Variants in ATP1B1 observed in about 807,000 individuals in gnomAD.
The protein encoded by ATP1B1 is ATPase Na+/K+ transporting subunit beta 1.
In ATP1B1, 3 loss-of-function variants were observed where a neutral mutation model predicts 39.6. The ratio of observed to expected loss-of-function variants is 0.08; its 90% confidence interval spans 0.03 to 0.20. ATP1B1 has a LOEUF of 0.20. Among genes scored for constraint, ATP1B1 ranks in the 10% least tolerant of loss-of-function variants. The pLI, the probability that ATP1B1 is intolerant of heterozygous loss-of-function variation, is 1.00. For missense variants in ATP1B1, 216 were observed against 371.1 expected (o/e 0.58, Z 3.43); for synonymous variants, 139 against 135.0 (o/e 1.03, Z -0.20).
At chr1:169,113,143 G>A (rs1571220225) in intron 2 of ATP1B1, among the ~76,000 whole-genome samples, 2 of 151,542 alleles carry the variant, frequency 1.3e-5, no homozygotes, top group African/African-American at 4.9e-5. Context: ...TCAGCTCACT[G>A]CAGTCTCCGC....
intron 2 of ATP1B1, among the ~76,000 whole-genome samples, chr1:169,114,883 A>G (rs1045680025): frequency 6.6e-6 from 1 of 151,922 alleles, no homozygotes; most frequent in Non-Finnish European, 1.5e-5. Flanking sequence ...AATTTTTTTA[A>G]GTCTCCTGTT....
chr1:169,118,883 A>G (rs1657913406), intron 2 of ATP1B1, among the ~76,000 whole-genome samples: 1 of 152,134 alleles, frequency 6.6e-6, no homozygotes, highest in Non-Finnish European at 1.5e-5. Flanking sequence ...TAGAGATTTG[A>G]TCTAGTGATT....
chr1:169,121,002 C>T lies in ATP1B1; in HGVS notation c.227-3882C>T, dbSNP rs575987731. 4.1e-4 allele frequency among the ~76,000 whole-genome samples: 59 copies of T among 143,238 alleles called. No homozygotes were observed. The Middle Eastern group carries it at 0.016, about 40-fold the overall frequency. The allele number at this position is 143,238 out of a possible 152,430, so 94.0% of individuals were successfully genotyped here. ...TCGCTCTGTTGCCCAGGCTGGAGTG[C>T]AGTGGTGCTGTCTCAGCTCACTGCA... On this transcript the variant is annotated intron_variant, in intron 2 of 5. Coordinates refer to ENST00000367815, the MANE Select transcript of ATP1B1 (RefSeq NM_001677.4).
rs1557945516 is a variant in ATP1B1 at position 169,106,938 on chromosome 1, GT to G, written c.97+13del. The G allele has an allele frequency of 6.4e-7, 1 of 1,570,810 alleles. No homozygotes were observed. Among genetic ancestry groups the G allele is most frequent in the Non-Finnish European group, 8.6e-7 (1 of 1,160,730 alleles). ...CGGTGGCAGTTGGTGTAAGTACGGG[GT>G]CCGCAGCTCCCGGCCGCCGCGTCTG... On this transcript the variant is annotated intron_variant, in intron 1 of 5. Coordinates refer to ENST00000367815, the MANE Select transcript of ATP1B1 (RefSeq NM_001677.4).
Position 169,132,339 on chromosome 1 carries a change from G to A in ATP1B1, c.*784G>A. On this transcript the variant is annotated 3_prime_UTR_variant, in exon 6 of 6. Transcript: ENST00000367815. ...TGCCCATCACTTTGGCTAGTGACAG[G>A]GCTAATTAATTTGCTTTATACATTT... The A allele has an allele frequency of 2.1e-6, 1 of 474,826 alleles. No individual in the cohort carries two copies. Among genetic ancestry groups the A allele is most frequent in the Non-Finnish European group, 3.8e-6 (1 of 263,304 alleles). 29.4% of individuals were successfully genotyped at this position (474,826 alleles called of 1,614,324 possible).
chr1:169,108,571 C>T (rs1428062559), intron 1 of ATP1B1, among the ~76,000 whole-genome samples: 1 of 152,082 alleles, frequency 6.6e-6, no homozygotes, highest in Non-Finnish European at 1.5e-5. Flanking sequence ...TGTCTTTTTC[C>T]CCTTAGTATA....
chr1:169,114,623 G>T (rs1050670467), intron 2 of ATP1B1, among the ~76,000 whole-genome samples: 1 of 152,200 alleles, frequency 6.6e-6, no homozygotes, highest in Non-Finnish European at 1.5e-5. Flanking sequence ...TCTGAGAGGA[G>T]AGACTAAACT....
intron 4 of ATP1B1, 102 bp from the exon 5 acceptor site, chr1:169,129,908 C>T: frequency 9.3e-7 from 1 of 1,074,202 alleles, no homozygotes; most frequent in Non-Finnish European, 1.3e-6. Flanking sequence ...GGTTGACTTA[C>T]TGTGACCAGT....
At chr1:169,126,666 A>ATGC (rs1353429347) in intron 3 of ATP1B1, among the ~76,000 whole-genome samples, 1 of 152,166 alleles carries the variant, frequency 6.6e-6, no homozygotes, top group African/African-American at 2.4e-5. Context: ...GGCCATGATC[A>ATGC]TGCTGCCGCA....
In ATP1B1 at chr1:169,131,239, C is replaced by T; in HGVS notation, c.649-53C>T. On this transcript the variant is annotated intron_variant, in intron 5 of 5. Transcript: ENST00000367815. This position sits in a 1 kb window ranked among gnomAD's most constrained non-coding sequence, Gnocchi z 4.4. The stretch of plus-strand genomic sequence containing the variant: ...AGATTGAGTCTTGTTTTTGAGTACA[C>T]ATAGTGATGCATGATGTGAGCCATT... 2 of 1,544,226 alleles carry T rather than the reference C, an allele frequency of 1.3e-6. No individual in the cohort carries two copies. Among genetic ancestry groups the T allele is most frequent in the Non-Finnish European group, 1.8e-6 (2 of 1,142,274 alleles).
chr1:169,125,333 AT>A (rs1433482131), intron 3 of ATP1B1, among the ~76,000 whole-genome samples: 1 of 115,246 alleles, frequency 8.7e-6, no homozygotes, highest in Non-Finnish European at 1.7e-5. Flanking sequence ...TTTCTCTTAC[AT>A]CCGTTGAAAA....
At position 169,124,841 on chromosome 1, in the gene ATP1B1, G is replaced by A. The variant is rs981326343; in HGVS notation, c.227-43G>A. ...GAAAGTCTACTTTTGAATTGTCTTCGTTTCTGCCTTCCTACTAATGTTTTT... is the reference window on the plus strand; with the variant it reads ...GAAAGTCTACTTTTGAATTGTCTTCATTTCTGCCTTCCTACTAATGTTTTT... On this transcript the variant is annotated intron_variant, in intron 2 of 5. Coordinates refer to ENST00000367815, the MANE Select transcript of ATP1B1 (RefSeq NM_001677.4). 16 of 1,591,362 alleles carry A rather than the reference G, an allele frequency of 1.0e-5. No individual in the cohort carries two copies. In the African/African-American group the frequency reaches 1.1e-4, roughly 11 times the overall value.
chr1:169,110,619 G>A, intron 1 of ATP1B1: 1 of 880,158 alleles, frequency 1.1e-6, no homozygotes, highest in South Asian at 2.2e-5. Flanking sequence ...CCATCCTGTT[G>A]TCTTGTTAAC....
intron 4 of ATP1B1, among the ~76,000 whole-genome samples, chr1:169,127,765 A>AG (rs750110397): frequency 4.0e-4 from 60 of 150,994 alleles, no homozygotes; most frequent in Non-Finnish European, 5.9e-4. Flanking sequence ...TAGTGGTTAG[A>AG]GAAAAAAAAA....
chr1:169,107,860 G>GC (rs979585053), intron 1 of ATP1B1: 2 of 151,912 alleles, frequency 1.3e-5, no homozygotes, highest in Admixed American at 6.6e-5. Flanking sequence ...TCCCCCTGCT[G>GC]CATCACTGCC....
intron 2 of ATP1B1, 145 bp from the exon 3 acceptor site, chr1:169,124,739 A>G (rs1658052690): frequency 1.2e-6 from 1 of 834,356 alleles, no homozygotes; most frequent in Admixed American, 3.0e-5. Flanking sequence ...TCTAAATGCC[A>G]GAGGAGTGAT....
Position 169,127,235 on chromosome 1 carries a change from G to A in ATP1B1, c.394G>A (p.Glu132Lys). ...IFEDCGDVPS[E>K]PKERGDFNHE... ...GTTTTTATTTTTAGATGTGCCCAGT[G>A]AACCGAAAGAACGAGGAGACTTTAA... The change falls in exon 4 of 6, where the codon GAA becomes AAA. Residue 132 changes from glutamate (E) to lysine (K), a missense_variant. By Grantham distance (56) the Glu-to-Lys change is moderately conservative (BLOSUM62 1). Transcript: ENST00000367815. The A allele has an allele frequency of 6.3e-7, 1 of 1,578,690 alleles. No individual in the cohort carries two copies. Among genetic ancestry groups the A allele is most frequent in the Admixed American group, 2.0e-5 (1 of 49,660 alleles).
chr1:169,107,453 A>G (rs1657622024), intron 1 of ATP1B1, among the ~76,000 whole-genome samples: 1 of 152,220 alleles, frequency 6.6e-6, no homozygotes, highest in African/African-American at 2.4e-5. Flanking sequence ...AGTATTTCAC[A>G]GCGATGGCTA....
At chr1:169,116,781 G>T (rs569132199) in intron 2 of ATP1B1, among the ~76,000 whole-genome samples, 1 of 151,916 alleles carries the variant, frequency 6.6e-6, no homozygotes, top group East Asian at 1.9e-4. Context: ...AACCCGGAAG[G>T]CAGACGTTGC....
Sources: gnomAD v4.1 joint callset for allele counts (sites outside exome capture counted in the v4.1 genomes callset) on GRCh38, gnomAD v4.1.1 for gene constraint, Gnocchi (gnomAD v3.1) non-coding constraint, MANE v1.5 for transcripts, NCBI Gene and HGNC (gene_info 2026-07-23, HGNC 2026-07-21) for gene names.